ENSA: variants seen among roughly 807,000 people sequenced by gnomAD.
The protein encoded by ENSA is endosulfine alpha, also known as alpha-endosulfine.
A neutral mutation model predicts 16.8 loss-of-function variants in ENSA; 7 were observed. That is an observed-to-expected ratio of 0.42 (90% confidence interval 0.24 to 0.78). The LOEUF is 0.78. Ranked by LOEUF, ENSA falls within the 30% of genes least tolerant of loss-of-function variation. The probability of loss-of-function intolerance (pLI) is 0.29; values close to 1 mark genes in which losing one functional copy is unlikely to be tolerated. For synonymous variants in ENSA, 58 were observed against 53.4 expected (o/e 1.09, Z -0.37); for missense variants, 87 against 142.3 (o/e 0.61, Z 1.98).
At chr1:150,628,023 G>A (rs778535310) in intron 1 of ENSA, among the ~76,000 whole-genome samples, 8 of 152,130 alleles carry the variant, frequency 5.3e-5, no homozygotes, top group Non-Finnish European at 1.5e-5. Flanking sequence ...GGGGCTGGGA[G>A]CAGTGACTCA....
rs769408580 is a variant in ENSA, at chr1:150,627,445, G to A, written c.183+22C>T. The A allele has an allele frequency of 6.2e-6, 10 of 1,614,072 alleles. No individual in the cohort carries two copies. In the East Asian group the frequency reaches 6.7e-5, roughly 11 times the overall value. On this transcript the variant is annotated intron_variant, in intron 2 of 3. Coordinates refer to ENST00000369014, the MANE Select transcript of ENSA (RefSeq NM_004436.4). ...ACCTCCTTTAGCTCCAAAGAAAGAG[G>A]GTAAGAGACTATGCCCCATACCCCT... is the stretch of plus-strand genomic sequence containing the variant.
At chr1:150,623,232 G>A (rs1383317848) in intron 3 of ENSA, 14 of 1,055,246 alleles carry the variant, frequency 1.3e-5, no homozygotes, top group Non-Finnish European at 1.6e-5. Context: ...AGGTAGCACA[G>A]AGATGAGGTG....
chr1:150,627,289 T>C (rs749862359), intron 2 of ENSA, 178 bp downstream of exon 2: 5 of 1,568,304 alleles, frequency 3.2e-6, no homozygotes, highest in East Asian at 4.5e-5. Flanking sequence ...CAGGAGGGAA[T>C]TGATACCACA....
At chr1:150,625,602 C>A (rs759307017) in intron 3 of ENSA, 40 bp downstream of exon 3, 1 of 1,547,180 alleles carries the variant, frequency 6.5e-7, no homozygotes, top group South Asian at 1.2e-5. Flanking sequence ...TATAAACGTC[C>A]AGTGGTTGAG....
Position 150,622,872 on chromosome 1 carries a change from ACAG to A in ENSA, c.351-16_351-14del. 1 of 1,542,162 alleles carries A rather than the reference ACAG, an allele frequency of 6.5e-7. No individual in the cohort carries two copies. Among genetic ancestry groups the A allele is most frequent in the Non-Finnish European group, 8.8e-7 (1 of 1,142,548 alleles). On this transcript the variant is annotated splice_polypyrimidine_tract_variant and intron_variant, in intron 3 of 3. Transcript: ENST00000369014. ...TTCAACTTGGCCACTGCGGACGAAC[ACAG>A]AAGAAAAAAAAAAAAAACAACACTG...
intron 3 of ENSA, 62 bp from the exon 4 acceptor site, chr1:150,622,921 A>T (rs1263689298): frequency 6.5e-7 from 1 of 1,528,966 alleles, no homozygotes; most frequent in East Asian, 2.5e-5. Context: ...GGGGAAAAAA[A>T]CCCTGAACTC....
chr1:150,626,986 C>T, intron 2 of ENSA: 2 of 998,556 alleles, frequency 2.0e-6, no homozygotes, highest in South Asian at 6.7e-5. Context: ...AAGAAAAATA[C>T]ATTTGCTGCA....
At chr1:150,625,590 T>C in intron 3 of ENSA, 52 bp downstream of exon 3, 2 of 1,512,454 alleles carry the variant, frequency 1.3e-6, no homozygotes, top group East Asian at 2.4e-5. Flanking sequence ...CTGCCTATAA[T>C]ATATAAACGT....
At chr1:150,625,252 C>T (rs1649218564) in intron 3 of ENSA, 1 of 994,472 alleles carries the variant, frequency 1.0e-6, no homozygotes, top group Non-Finnish European at 1.2e-6. Flanking sequence ...TTCCCAACTA[C>T]GTTAGGTTAG....
intron 3 of ENSA, chr1:150,624,182 T>A: frequency 1.0e-6 from 1 of 985,576 alleles, no homozygotes; most frequent in Non-Finnish European, 1.2e-6. Flanking sequence ...CACCTGTTCA[T>A]GAGTCAGCAT....
At chr1:150,624,480 G>C (rs1407162713) in intron 3 of ENSA, 13 of 985,776 alleles carry the variant, frequency 1.3e-5, no homozygotes, top group Non-Finnish European at 1.6e-5. Context: ...CTGCAGCTCC[G>C]CTGCCAGAGA....
At chr1:150,628,602 A>C (rs987428338) in intron 1 of ENSA, among the ~76,000 whole-genome samples, 2 of 151,908 alleles carry the variant, frequency 1.3e-5, no homozygotes, top group African/African-American at 4.8e-5. Context: ...TTTCTCTTGG[A>C]AATTACGCAT....
chr1:150,623,634 T>C, intron 3 of ENSA: 8 of 956,508 alleles, frequency 8.4e-6, no homozygotes, highest in Non-Finnish European at 1.0e-5. Flanking sequence ...AAATTATATA[T>C]ATATTTATAT....
intron 1 of ENSA, chr1:150,629,056 C>T: frequency 6.2e-7 from 1 of 1,614,142 alleles, no homozygotes; most frequent in East Asian, 2.2e-5. Flanking sequence ...TGCTGGGTCA[C>T]TTACCTCTAC....
rs1483430746 is a variant in ENSA, at chr1:150,625,752, C to T, written c.240G>A (p.Lys80=). The T allele has an allele frequency of 6.2e-7, 1 of 1,611,840 alleles. No individual in the cohort carries two copies. Reference sequence around the variant, plus strand: ...TGTCTGGTCCTGCACTTGGCAGCTGCTTATTCTTCATCTTGGCTTTGGCCA... The same window carrying T: ...TGTCTGGTCCTGCACTTGGCAGCTGTTTATTCTTCATCTTGGCTTTGGCCA... ...YNMAKAKMKN[K]QLPSAGPDKN... is the part of the protein sequence containing the mutation. Residue 80 remains lysine, a synonymous_variant, in exon 3 of 4, where the codon AAG becomes AAA. Coordinates refer to ENST00000369014, the MANE Select transcript of ENSA (RefSeq NM_004436.4).
chr1:150,629,251 C>T, intron 1 of ENSA, 163 bp downstream of exon 1: 1 of 1,515,290 alleles, frequency 6.6e-7, no homozygotes, highest in Non-Finnish European at 9.0e-7. Context: ...AACTAACCAG[C>T]GCCAAAGCAG....
chr1:150,626,100 C>T (rs587765362), intron 2 of ENSA, among the ~76,000 whole-genome samples: 4 of 152,276 alleles, frequency 2.6e-5, no homozygotes, highest in South Asian at 2.1e-4. Flanking sequence ...AGTAGAGGAT[C>T]GTTCCACCAA....
chr1:150,628,906 A>G, intron 1 of ENSA: 2 of 709,306 alleles, frequency 2.8e-6, no homozygotes, highest in Non-Finnish European at 4.8e-6. Flanking sequence ...CTACTAAAAT[A>G]GGTCTCTTGA....
In ENSA at chr1:150,625,808, G is replaced by A; in HGVS notation, c.184C>T (p.Gln62Ter). ...DFLMKRLQKGQKYFDSGDYNM... is the reference protein window; with the variant it reads ...DFLMKRLQKG The stretch of plus-strand genomic sequence containing the variant: ...TAGTCTCCTGAGTCAAAGTACTTTT[G>A]CTAAGAGATAAGAGGGAGGTTTAGG... The change falls in exon 3 of 4, where the codon CAA becomes TAA. Residue 62 changes from glutamine to a stop codon, truncating the protein, a stop_gained and splice_region_variant. Transcript: ENST00000369014. LOFTEE classifies it high-confidence loss of function. 1 of 1,598,760 alleles carries A rather than the reference G, an allele frequency of 6.3e-7. No individual in the cohort carries two copies. The highest frequency in any genetic ancestry group is 8.5e-7 in the Non-Finnish European group (1 of 1,171,528).
Sources: gnomAD v4.1 joint callset for allele counts (sites outside exome capture counted in the v4.1 genomes callset) on GRCh38, gnomAD v4.1.1 for gene constraint, MANE v1.5 for transcripts, NCBI Gene and HGNC (gene_info 2026-07-23, HGNC 2026-07-21) for gene names.